The following PNN variants were observed in gnomAD, a reference collection of about 807,000 sequenced individuals.
The protein encoded by PNN is pinin.
PNN carries 38 observed loss-of-function variants against 76.6 expected under a neutral mutation model. The ratio of observed to expected loss-of-function variants is 0.50; its 90% CI spans 0.38 to 0.65. The LOEUF is 0.65. PNN is among the 30% of genes least tolerant of loss of function. The pLI is 0.00. For missense variants in PNN, 873 were observed against 874.1 expected (o/e 1.00, Z 0.02); for synonymous variants, 366 against 283.7 (o/e 1.29, Z -2.91).
At chr14:39,178,454 C>G (rs947611228) in intron 6 of PNN, among the ~76,000 whole-genome samples, 1 of 152,124 alleles carries the variant, frequency 6.6e-6, no homozygotes, top group African/African-American at 2.4e-5. Flanking sequence ...ATCACTTGAA[C>G]CCTGGAGGTG....
chr14:39,177,135 A>C (rs538462013), intron 3 of PNN, among the ~76,000 whole-genome samples: 27 of 152,350 alleles, frequency 1.8e-4, no homozygotes, highest in African/African-American at 6.5e-4. Context: ...CTGTAATCCC[A>C]GCACTTTGGG....
At chr14:39,176,715 C>A in intron 3 of PNN, 120 bp downstream of exon 3, 8 of 657,510 alleles carry the variant, frequency 1.2e-5, no homozygotes, top group Non-Finnish European at 1.8e-5. Flanking sequence ...ATGCCACTCC[C>A]TGCCCCCCCC....
Position 39,182,999 on chromosome 14 carries a change from T to C in PNN, c.*1136T>C, listed in dbSNP as rs936408685. ...TCTGATGCTTTATACAAGAGAGCACTTAAATTGCATCCTTCTTTGAGTTTA... is the reference window on the plus strand; with the variant it reads ...TCTGATGCTTTATACAAGAGAGCACCTAAATTGCATCCTTCTTTGAGTTTA... On this transcript the variant is annotated 3_prime_UTR_variant, in exon 9 of 9. Transcript: ENST00000216832. 2 of 152,660 alleles carry C rather than the reference T, an allele frequency of 1.3e-5. No homozygotes were observed. Among genetic ancestry groups the C allele is most frequent in the African/African-American group, 2.4e-5 (1 of 41,452 alleles). The allele number at this position is 152,660 out of a possible 1,614,324, so 9.5% of individuals were successfully genotyped here.
intron 3 of PNN, among the ~76,000 whole-genome samples, 154 bp from the exon 4 acceptor site, chr14:39,177,258 C>T (rs1237366665): frequency 6.6e-5 from 10 of 152,304 alleles, no homozygotes; most frequent in African/African-American, 9.6e-5. Flanking sequence ...TGCTGGCTCA[C>T]GCCTGTAGTC....
rs562168240 is a variant in PNN, at chr14:39,179,293, CA to C, written c.655-27del. On this transcript the variant is annotated intron_variant, in intron 7 of 8. Coordinates refer to ENST00000216832, the MANE Select transcript of PNN (RefSeq NM_002687.4). ...TAAGATTGGTAATCCTTTGTGTTTA[CA>C]AAAGCACTGACCCTTTACCTTTTCT... The C allele has an allele frequency of 1.2e-3, 1,999 of 1,608,682 alleles. 16 individuals are homozygous for C. In the African/African-American group the frequency reaches 0.013, roughly 11 times the overall value.
Position 39,181,741 on chromosome 14 carries a change from T to A in PNN, c.2032T>A (p.Ser678Thr), listed in dbSNP as rs2053271968. The A allele has an allele frequency of 1.9e-6, 3 of 1,613,884 alleles. No individual in the cohort carries two copies. The Admixed American group carries it at 5.0e-5, about 27-fold the overall frequency. Residue 678 changes from serine (S) to threonine (T), a missense_variant, in exon 9 of 9, where the codon TCA becomes ACA. Physicochemically the swap from Ser to Thr is moderately conservative, Grantham distance 58. Around this residue, in one of 3 missense-constraint regions of PNN, gnomAD observed 712 missense variants for 693.1 expected, o/e 1.03. Transcript: ENST00000216832. ...TGGTAGTAGTAGAGATACAAAAGGA[T>A]CAAAGGATAAGAATTCCCGGTCCGA... ...KGGSSRDTKG[S>T]KDKNSRSDRK...
At position 39,179,332 on chromosome 14, in the gene PNN, A is replaced by G; in HGVS notation, c.663A>G (p.Glu221=). The G allele has an allele frequency of 6.2e-7, 1 of 1,609,810 alleles. No homozygotes were observed. Among genetic ancestry groups the G allele is most frequent in the South Asian group, 1.1e-5 (1 of 90,210 alleles). ...QKVELAQLQE[E]WNEHNAKIIK... ...CTTTACCTTTTCTTTAGCAAGAAGA[A>G]TGGAATGAACATAATGCCAAAATAA... The change falls in exon 8 of 9, where the codon GAA becomes GAG. Residue 221 remains glutamate, a synonymous_variant. Coordinates refer to ENST00000216832, the MANE Select transcript of PNN (RefSeq NM_002687.4).
chr14:39,175,656 TG>T, intron 1 of PNN: 1 of 509,246 alleles, frequency 2.0e-6, no homozygotes, highest in Non-Finnish European at 3.5e-6. Flanking sequence ...AGACCCGGAC[TG>T]CTGATTCCCG....
At position 39,176,078 on chromosome 14, in the gene PNN, G is replaced by A. The variant is rs1173255605; in HGVS notation, c.114G>A (p.Arg38=). The A allele has an allele frequency of 1.7e-5, 27 of 1,587,624 alleles. No homozygotes were observed. Among genetic ancestry groups the A allele is most frequent in the Non-Finnish European group, 2.0e-5 (23 of 1,156,034 alleles). ...GCACTGATTTGTAAATCTTTTACAG[G>A]CCCATCCAAGCCAGATTGCTGGCCC... ...KLTGRDPNDV[R]PIQARLLALS... Residue 38 remains arginine (R), a splice_region_variant and synonymous_variant, in exon 2 of 9, where the codon AGG becomes AGA. Coordinates refer to ENST00000216832, the MANE Select transcript of PNN (RefSeq NM_002687.4).
intron 6 of PNN, among the ~76,000 whole-genome samples, chr14:39,178,720 T>C (rs1436919304): frequency 8.5e-6 from 1 of 117,064 alleles, no homozygotes; most frequent in Admixed American, 9.0e-5. Flanking sequence ...TACCTTTACA[T>C]AGTGAAAAAA....
intron 1 of PNN, chr14:39,175,716 C>T (rs2053217781): frequency 8.6e-6 from 4 of 464,640 alleles, no homozygotes; most frequent in South Asian, 7.2e-5. Flanking sequence ...CCTTCCCGCT[C>T]CGGCGGACAC....
chr14:39,176,648 C>G, intron 3 of PNN, 53 bp downstream of exon 3: 1 of 1,036,116 alleles, frequency 9.7e-7, no homozygotes, highest in Admixed American at 2.3e-5. Flanking sequence ...AGGTACCACA[C>G]AAATATAAAT....
chr14:39,181,070 T>C lies in PNN; in HGVS notation c.1361T>C (p.Met454Thr), dbSNP rs755060111. The change falls in exon 9 of 9, where the codon ATG becomes ACG. Residue 454 changes from methionine (M) to threonine (T), a missense_variant. Physicochemically the swap from Met to Thr is moderately conservative, Grantham distance 81 (BLOSUM62 -1). Transcript: ENST00000216832. ...PGKENVSALD[M>T]EKESEEKEEK... is the part of the protein sequence containing the mutation. Reference sequence around the variant, plus strand: ...AAAGAGAATGTCAGTGCTTTAGACATGGAAAAGGAGTCTGAGGAAAAAGAA... The same window carrying C: ...AAAGAGAATGTCAGTGCTTTAGACACGGAAAAGGAGTCTGAGGAAAAAGAA... 24 of 1,613,716 alleles carry C rather than the reference T, an allele frequency of 1.5e-5. No homozygotes were observed. Among genetic ancestry groups the C allele is most frequent in the Non-Finnish European group, 1.9e-5 (22 of 1,179,882 alleles).
intron 3 of PNN, among the ~76,000 whole-genome samples, 172 bp downstream of exon 3, chr14:39,176,767 C>G (rs1272920233): frequency 1.3e-5 from 2 of 152,144 alleles, no homozygotes; most frequent in African/African-American, 4.8e-5. Context: ...CTATCAGTTC[C>G]CTCAAAACGC....
At chr14:39,180,440 A>C in intron 8 of PNN, 63 bp from the exon 9 acceptor site, 7 of 1,461,082 alleles carry the variant, frequency 4.8e-6, no homozygotes, top group Non-Finnish European at 6.4e-6. Flanking sequence ...GACCAGTTAT[A>C]AAATTATGGC....
Position 39,181,197 on chromosome 14 carries a change from C to T in PNN, c.1488C>T (p.Ser496=). The T allele has an allele frequency of 6.2e-7, 1 of 1,612,398 alleles. No individual in the cohort carries two copies. Among genetic ancestry groups the T allele is most frequent in the Non-Finnish European group, 8.5e-7 (1 of 1,178,446 alleles). Residue 496 remains serine, a synonymous_variant, in exon 9 of 9, where the codon TCC becomes TCT. Transcript: ENST00000216832. ...CCCAGTCCCAACCAGTACTCCAGTCCCAGCCTCCCTCTCAGCCTGAGGATT... is the reference window on the plus strand; with the variant it reads ...CCCAGTCCCAACCAGTACTCCAGTCTCAGCCTCCCTCTCAGCCTGAGGATT... ...LQSQSQPVLQ[S]QPPSQPEDLS... is the part of the protein sequence containing the mutation.
In PNN at chr14:39,182,294, C is replaced by CTT. The variant is rs972723881; in HGVS notation, c.*433_*434dup. ...TTGACACTTGTATAATAAATATCCT[C>CTT]TTTATCATTTTCAGCTTTTAACACT... On this transcript the variant is annotated 3_prime_UTR_variant, in exon 9 of 9. Coordinates refer to ENST00000216832, the MANE Select transcript of PNN (RefSeq NM_002687.4). 6.4e-6 allele frequency: 1 copy of CTT among 155,614 alleles called. No individual in the cohort carries two copies. The highest frequency in any genetic ancestry group is 1.4e-5 in the Non-Finnish European group (1 of 69,950). 9.6% of individuals were successfully genotyped at this position (155,614 alleles called of 1,614,324 possible).
Position 39,175,368 on chromosome 14 carries a change from C to G in PNN, c.89C>G (p.Thr30Ser). The G allele has an allele frequency of 6.2e-7, 1 of 1,610,828 alleles. No individual in the cohort carries two copies. Among genetic ancestry groups the G allele is most frequent in the Non-Finnish European group, 8.5e-7 (1 of 1,177,458 alleles). The stretch of plus-strand genomic sequence containing the variant: ...GTGGATGAGAACATTCGCAAGCTCA[C>G]CGGGCGGGATCCGAATGACGTGAGG... ...KNVDENIRKL[T>S]GRDPNDVRPI... The change falls in exon 1 of 9, where the codon ACC (threonine) becomes AGC (serine). Residue 30 changes from threonine to serine, a missense_variant. Around this residue, in one of 3 missense-constraint regions of PNN, gnomAD observed 156 missense variants for 161.7 expected, o/e 0.96. Coordinates refer to ENST00000216832, the MANE Select transcript of PNN (RefSeq NM_002687.4).
intron 3 of PNN, 55 bp from the exon 4 acceptor site, chr14:39,177,357 G>C (rs1259891728): frequency 6.9e-7 from 1 of 1,455,926 alleles, no homozygotes; most frequent in Non-Finnish European, 9.5e-7. Context: ...CTGCACTTCA[G>C]CCTGGGTGGT....
Sources: gnomAD v4.1 joint callset for allele counts (sites outside exome capture counted in the v4.1 genomes callset) on GRCh38, gnomAD v4.1.1 for gene constraint, gnomAD v4.1.1 regional missense constraint, MANE v1.5 for transcripts, NCBI Gene and HGNC (gene_info 2026-07-23, HGNC 2026-07-21) for gene names.